The following LRCH3 variants were observed in gnomAD, a reference collection of about 807,000 sequenced individuals.
LRCH3 encodes the protein leucine rich repeats and calponin homology domain containing 3.
Under a neutral mutation model 104.5 loss-of-function variants are expected in LRCH3, and 68 were observed. The ratio of observed to expected loss-of-function variants is 0.65; its 90% CI spans 0.54 to 0.80. The LOEUF (loss-of-function observed/expected upper bound fraction) is 0.80. LRCH3 is among the 30% of genes least tolerant of loss of function. The pLI is 0.00. For missense variants in LRCH3, 951 were observed against 953.9 expected (o/e 1.00, Z 0.04); for synonymous variants, 344 against 361.3 (o/e 0.95, Z 0.54).
At chr3:197,835,308 C>T (rs1180019638) in intron 8 of LRCH3, among the ~76,000 whole-genome samples, 3 of 151,706 alleles carry the variant, frequency 2.0e-5, no homozygotes, top group South Asian at 2.1e-4. Context: ...CTCAGCCTCC[C>T]GAGTAGCTGG....
chr3:197,829,862 C>T (rs1017863606), intron 6 of LRCH3, among the ~76,000 whole-genome samples, 189 bp downstream of exon 6: 10 of 152,182 alleles, frequency 6.6e-5, no homozygotes, highest in Non-Finnish European at 1.2e-4. Context: ...GGTTTCTCAA[C>T]CTTGGCACTG....
chr3:197,868,203 A>G (rs1711574104), intron 17 of LRCH3, among the ~76,000 whole-genome samples: 1 of 152,232 alleles, frequency 6.6e-6, no homozygotes, highest in South Asian at 2.1e-4. Flanking sequence ...AGTCATGGAC[A>G]GAAAAATCTT....
At chr3:197,807,255 C>T (rs189590349) in intron 1 of LRCH3, among the ~76,000 whole-genome samples, 1,703 of 145,852 alleles carry the variant, frequency 0.012, 23 homozygotes, top group African/African-American at 0.037. Flanking sequence ...CTCGTTCTGT[C>T]GCCCAGGCTG....
At chr3:197,791,641 G>C (rs935133545) in intron 1 of LRCH3, 101 bp downstream of exon 1, 1 of 1,333,996 alleles carries the variant, frequency 7.5e-7, no homozygotes, top group Non-Finnish European at 9.8e-7. Context: ...AGCTCGTCCC[G>C]TAGGCGCCGG....
At chr3:197,846,173 G>T (rs1024425834) in intron 10 of LRCH3, among the ~76,000 whole-genome samples, 5 of 152,010 alleles carry the variant, frequency 3.3e-5, no homozygotes, top group African/African-American at 1.2e-4. Context: ...GGCCTCGGTG[G>T]GTGGATCACT....
At chr3:197,855,135 G>A (rs1375018873) in intron 14 of LRCH3, among the ~76,000 whole-genome samples, 1 of 152,204 alleles carries the variant, frequency 6.6e-6, no homozygotes, top group Admixed American at 6.5e-5. Context: ...CAGAGGTCTA[G>A]TGCCTACAGT....
chr3:197,835,749 C>T lies in LRCH3; in HGVS notation c.1178C>T (p.Pro393Leu). The T allele has an allele frequency of 1.2e-6, 2 of 1,613,830 alleles. No individual in the cohort carries two copies. The highest frequency in any genetic ancestry group is 1.7e-6 in the Non-Finnish European group (2 of 1,179,988). The change falls in exon 9 of 21, where the codon CCC (proline) becomes CTC (leucine). Residue 393 changes from proline to leucine, a missense_variant. Transcript: ENST00000425562. ...GAAGAGGAGGCCGAGGTGAGACAGCCCAAGGGACCAGACCCAGACAGCCTT... is the reference window on the plus strand; with the variant it reads ...GAAGAGGAGGCCGAGGTGAGACAGCTCAAGGGACCAGACCCAGACAGCCTT... ...AEEEEAEVRQPKGPDPDSLSS... is the reference protein window; with the variant it reads ...AEEEEAEVRQLKGPDPDSLSS...
At chr3:197,821,158 T>G (rs1237922291) in intron 4 of LRCH3, among the ~76,000 whole-genome samples, 1 of 152,140 alleles carries the variant, frequency 6.6e-6, no homozygotes, top group Non-Finnish European at 1.5e-5. Flanking sequence ...CACTTAAAAA[T>G]GGACTTTGAC....
rs77003543 is a variant in LRCH3, at chr3:197,865,395, T to G, written c.1717-28T>G. 2.9e-5 allele frequency: 42 copies of G among 1,463,846 alleles called. No individual in the cohort carries two copies. In the African/African-American group the frequency reaches 4.4e-4, roughly 15 times the overall value. 90.7% of individuals were successfully genotyped at this position (1,463,846 alleles called of 1,614,324 possible). A position where few individuals can be genotyped will look rare whatever the true frequency, so the allele number is the denominator to read the frequency against. On this transcript the variant is annotated intron_variant, in intron 15 of 20. Transcript: ENST00000425562. ...GAAAGTATTTCTTCTTGAATAACAATTATTGATATATGTCTGTTTCTCCAC... is the reference window on the plus strand; with the variant it reads ...GAAAGTATTTCTTCTTGAATAACAAGTATTGATATATGTCTGTTTCTCCAC...
At chr3:197,826,817 G>A in intron 4 of LRCH3, 61 bp from the exon 5 acceptor site, 1 of 1,586,660 alleles carries the variant, frequency 6.3e-7, no homozygotes, top group East Asian at 2.2e-5. Context: ...TAGAAGCTTT[G>A]TAAAAATTCT....
At chr3:197,881,484 G>C in intron 20 of LRCH3, 1 of 985,394 alleles carries the variant, frequency 1.0e-6, no homozygotes, top group Non-Finnish European at 1.2e-6. Flanking sequence ...GTGTGACTGA[G>C]GTTCACTCCC....
rs1338913475 is a variant in LRCH3 at position 197,814,914 on chromosome 3, C to T, written c.269C>T (p.Ser90Leu). ...DLTDTTRADL[S>L]RNRLSEIPIE... is the part of the protein sequence containing the mutation. The stretch of plus-strand genomic sequence containing the variant: ...AATTTAATTTTTCTTTTAGACCTGT[C>T]GCGAAATCGCCTTTCAGAAATTCCT... Residue 90 changes from serine to leucine, a missense_variant, in exon 2 of 21, where the codon TCG becomes TTG. Coordinates refer to ENST00000425562, the MANE Select transcript of LRCH3 (RefSeq NM_001365715.1). 9 of 1,591,078 alleles carry T rather than the reference C, an allele frequency of 5.7e-6. No individual in the cohort carries two copies. The highest frequency in any genetic ancestry group is 7.7e-6 in the Non-Finnish European group (9 of 1,172,680).
At chr3:197,836,751 T>C (rs1359959070) in intron 9 of LRCH3, among the ~76,000 whole-genome samples, 1 of 152,214 alleles carries the variant, frequency 6.6e-6, no homozygotes, top group Admixed American at 6.5e-5. Flanking sequence ...GATCTCGGCT[T>C]ACTGCAGCCT....
At chr3:197,860,049 T>A (rs1055954032) in intron 15 of LRCH3, among the ~76,000 whole-genome samples, 1 of 152,186 alleles carries the variant, frequency 6.6e-6, no homozygotes, top group African/African-American at 2.4e-5. Flanking sequence ...TCTCAAATAT[T>A]TTAGTTATAC....
rs578168776 is a variant in LRCH3 at position 197,858,749 on chromosome 3, C to G, written c.1645-85C>G. The G allele has an allele frequency of 2.8e-6, 3 of 1,083,012 alleles. No homozygotes were observed. The East Asian group carries it at 7.1e-5, about 26-fold the overall frequency. The allele number at this position is 1,083,012 out of a possible 1,614,324, so 67.1% of individuals were successfully genotyped here. ...GATCGTCAGTGACCTTTCCTTTTCT[C>G]ATTTCACTAGTCAGATCTGCCTGCC... is the stretch of plus-strand genomic sequence containing the variant. On this transcript the variant is annotated intron_variant, in intron 14 of 20. Transcript: ENST00000425562.
intron 20 of LRCH3, chr3:197,882,979 C>T (rs1713918488): frequency 1.2e-5 from 12 of 985,438 alleles, no homozygotes; most frequent in Non-Finnish European, 1.4e-5. Context: ...TTCTCAAGAG[C>T]TCAGGATACA....
chr3:197,881,044 T>C, intron 20 of LRCH3: 1 of 1,146,550 alleles, frequency 8.7e-7, no homozygotes, highest in Non-Finnish European at 1.1e-6. Flanking sequence ...GAATATGACA[T>C]GTAGAGCTTT....
intron 20 of LRCH3, among the ~76,000 whole-genome samples, chr3:197,878,795 C>A (rs1713209990): frequency 6.6e-6 from 1 of 152,260 alleles, no homozygotes; most frequent in Admixed American, 6.5e-5. Context: ...TCCTCGTCTT[C>A]CTTTTTCTCC....
intron 1 of LRCH3, among the ~76,000 whole-genome samples, chr3:197,801,945 G>C (rs572395680): frequency 1.3e-3 from 204 of 152,240 alleles, no homozygotes; most frequent in African/African-American, 4.4e-3. Flanking sequence ...ATAAAACTGA[G>C]GTTCTTATTT....
Sources: allele counts gnomAD v4.1 joint callset (sites outside exome capture counted in the v4.1 genomes callset), GRCh38; gene constraint gnomAD v4.1.1; transcripts MANE v1.5; gene names NCBI Gene and HGNC (gene_info 2026-07-23, HGNC 2026-07-21).